ADGRE3: variants seen among roughly 807,000 people sequenced by gnomAD.
ADGRE3 encodes the protein adhesion G protein-coupled receptor E3, also known as EGF-like module receptor 3.
A neutral mutation model predicts 80.1 loss-of-function variants in ADGRE3; 88 were observed. The observed-to-expected ratio is 1.10, with a 90% CI of 0.93 to 1.31. The LOEUF (loss-of-function observed/expected upper bound fraction) is 1.31. Ranked by LOEUF, ADGRE3 falls within the 40% of genes most tolerant of loss-of-function variation. The pLI is 0.00. For missense variants in ADGRE3, 715 were observed against 776.5 expected (o/e 0.92, Z 0.94); for synonymous variants, 281 against 294.8 (o/e 0.95, Z 0.48).
the ADGRE3 span, chr19:14,610,536 C>A: frequency 4.3e-6 from 1 of 230,506 alleles, no homozygotes; most frequent in Non-Finnish European, 8.7e-6. Context: ...GGTGTTGAAC[C>A]TGGGATGAAA....
intron 6 of ADGRE3, among the ~76,000 whole-genome samples, chr19:14,652,917 C>T (rs1971647393): frequency 6.6e-6 from 1 of 151,754 alleles, no homozygotes; most frequent in African/African-American, 2.4e-5. Context: ...TTTTGGCCTA[C>T]TGTTTCATTC....
chr19:14,628,329 G>C (rs970268095), intron 14 of ADGRE3, among the ~76,000 whole-genome samples: 2 of 148,902 alleles, frequency 1.3e-5, no homozygotes, highest in African/African-American at 5.0e-5. Flanking sequence ...GTAGTCCCAG[G>C]TACTCGGGAG....
chr19:14,647,255 C>T lies in ADGRE3; in HGVS notation c.808G>A (p.Val270Met). The part of the protein sequence containing the change: ...KDQVYLNSQV[V>M]SAAIGPKRNV... ...CTTTTGGGTCCAATAGCAGCACTCA[C>T]AACCTGAGAGTTCAGATACACTTGA... The change falls in exon 8 of 16, where the codon GTG becomes ATG. Residue 270 changes from valine (V) to methionine (M), a missense_variant. Val to Met is a conservative substitution (Grantham distance 21, BLOSUM62 1). Transcript: ENST00000253673. The T allele has an allele frequency of 1.9e-6, 3 of 1,614,014 alleles. No individual in the cohort carries two copies. The highest frequency in any genetic ancestry group is 1.3e-5 in the African/African-American group (1 of 75,040).
chr19:14,616,263 C>T (rs1373823042), downstream of ADGRE3, among the ~76,000 whole-genome samples: 1 of 152,112 alleles, frequency 6.6e-6, no homozygotes, highest in African/African-American at 2.4e-5. Flanking sequence ...AGCCACCGTG[C>T]CCAGCCCTGC....
chr19:14,641,546 G>C lies in ADGRE3; in HGVS notation c.1121C>G (p.Ala374Gly). ...TTTACACAGGAGAAAAGTGAGGGCC[G>C]CCAGGAGGAGGCACAGCAGAGAGAC... is the stretch of plus-strand genomic sequence containing the variant. ...LSVSLLCLLLAALTFLLCKAI... is the reference protein window; with the variant it reads ...LSVSLLCLLLGALTFLLCKAI... Residue 374 changes from alanine to glycine, a missense_variant, in exon 10 of 16, where the codon GCG (alanine) becomes GGG (glycine). Transcript: ENST00000253673. 1 of 1,614,050 alleles carries C rather than the reference G, an allele frequency of 6.2e-7. No homozygotes were observed. Among genetic ancestry groups the C allele is most frequent in the Non-Finnish European group, 8.5e-7 (1 of 1,179,950 alleles).
rs1970557405 is a variant in ADGRE3 at position 14,620,549 on chromosome 19, TATATATATATATATATATA to T, written c.1921-1097_1921-1079del. Among the ~76,000 whole-genome samples the T allele has an allele frequency of 2.0e-3, 5 of 2,552 alleles. 1 individual carries two copies. Among genetic ancestry groups the T allele is most frequent in the African/African-American group, 1.7e-3 (1 of 588 alleles). The allele number at this position is 2,552 out of a possible 152,430, so 1.7% of individuals were successfully genotyped here. Reference sequence around the variant, plus strand: ...GAATATATATATTTTATATATATATTATATATATATATATATATATTTTTTTTTTTTTTTTTTTTTTTTT... The same window carrying T: ...GAATATATATATTTTATATATATATTTTTTTTTTTTTTTTTTTTTTTTTTT... On this transcript the variant is annotated intron_variant, in intron 15 of 15. Transcript: ENST00000253673.
At chr19:14,668,398 G>C (rs967039544) in intron 2 of ADGRE3, among the ~76,000 whole-genome samples, 4 of 151,848 alleles carry the variant, frequency 2.6e-5, no homozygotes, top group Non-Finnish European at 5.9e-5. Flanking sequence ...TGTGAATCTA[G>C]AGAGAGAGTC....
intron 15 of ADGRE3, among the ~76,000 whole-genome samples, chr19:14,625,043 G>A (rs543274076): frequency 6.6e-5 from 10 of 152,024 alleles, no homozygotes; most frequent in Non-Finnish European, 1.0e-4. Flanking sequence ...GCAATGGTGC[G>A]ATCTTGGCTC....
chr19:14,650,220 C>T (rs1042848566), intron 7 of ADGRE3, among the ~76,000 whole-genome samples: 2 of 150,440 alleles, frequency 1.3e-5, no homozygotes, highest in Admixed American at 6.6e-5. Context: ...CCATCTCTGT[C>T]CCCATCTCTC....
At position 14,633,229 on chromosome 19, in the gene ADGRE3, TACTC is replaced by T. The variant is rs763168696; in HGVS notation, c.1551+3_1551+6del. 2.5e-6 allele frequency: 4 copies of T among 1,611,032 alleles called. No individual in the cohort carries two copies. The African/African-American group carries it at 4.0e-5, about 16-fold the overall frequency. On this transcript the variant is annotated splice_donor_5th_base_variant and intron_variant, in intron 12 of 15. Transcript: ENST00000253673. ...CTAGTTTGGGAACATCGAAGGCACA[TACTC>T]ACAGAGAAAATGGCACAGACTGGGC...
chr19:14,671,095 G>C (rs1972245156), intron 1 of ADGRE3, among the ~76,000 whole-genome samples: 1 of 152,180 alleles, frequency 6.6e-6, no homozygotes, highest in Non-Finnish European at 1.5e-5. Flanking sequence ...GGCCCTGGGG[G>C]CTAACTGTGT....
rs1331621804 is a variant in ADGRE3 at position 14,659,830 on chromosome 19, A to AAAAAAAAG, written c.356-1281_356-1280insCTTTTTTT. Among the ~76,000 whole-genome samples the AAAAAAAAG allele has an allele frequency of 5.4e-4, 80 of 149,510 alleles. 5 individuals are homozygous for AAAAAAAAG. In the East Asian group the frequency reaches 0.015, roughly 28 times the overall value. On this transcript the variant is annotated intron_variant, in intron 4 of 15. Transcript: ENST00000253673. The stretch of plus-strand genomic sequence containing the variant: ...AGCGAGACTCTGCCTCTGAAAAAAA[A>AAAAAAAAG]AAAAAAAAAAAAAAAAAAGACAAGG...
At chr19:14,669,231 A>T in intron 1 of ADGRE3, among the ~76,000 whole-genome samples, 1 of 152,232 alleles carries the variant, frequency 6.6e-6, no homozygotes, top group Non-Finnish European at 1.5e-5. Context: ...CTATGCAGCC[A>T]TAAGAAAGAA....
chr19:14,641,326 A>G (rs1046760145), intron 10 of ADGRE3, 93 bp downstream of exon 10: 15 of 1,496,558 alleles, frequency 1.0e-5, no homozygotes, highest in Admixed American at 8.6e-5. Flanking sequence ...TACAGACCCA[A>G]GGACATTTTA....
At chr19:14,633,772 A>G (rs1970956412) in intron 11 of ADGRE3, among the ~76,000 whole-genome samples, 3 of 143,324 alleles carry the variant, frequency 2.1e-5, no homozygotes. Flanking sequence ...GCTGATGACA[A>G]TAGCTTTTTT....
chr19:14,613,054 T>A, the ADGRE3 span, among the ~76,000 whole-genome samples: 2 of 151,882 alleles, frequency 1.3e-5, no homozygotes, highest in Admixed American at 1.3e-4. Context: ...GCCTCCTGAA[T>A]AGCTGGGATT....
chr19:14,627,494 C>T (rs1048789385), intron 14 of ADGRE3, among the ~76,000 whole-genome samples: 2 of 152,180 alleles, frequency 1.3e-5, no homozygotes, highest in African/African-American at 4.8e-5. Context: ...TCTCTAGCCT[C>T]AGCCTCCCTA....
chr19:14,635,156 G>A (rs2146823758), intron 11 of ADGRE3, among the ~76,000 whole-genome samples: 1 of 152,218 alleles, frequency 6.6e-6, no homozygotes, highest in South Asian at 2.1e-4. Flanking sequence ...TGGTGCAGTT[G>A]CTCTATCACA....
rs1161531862 is a variant in ADGRE3 at position 14,655,228 on chromosome 19, AG to A, written c.394-64del. Reference sequence around the variant, plus strand: ...TAATCTGGTAAGTCCCATATCCAAAAGAACAGTAGAAAGCATGAGAAAGCAG... The same window carrying A: ...TAATCTGGTAAGTCCCATATCCAAAAAACAGTAGAAAGCATGAGAAAGCAG... On this transcript the variant is annotated intron_variant, in intron 5 of 15. Transcript: ENST00000253673. 3 of 1,432,812 alleles carry A rather than the reference AG, an allele frequency of 2.1e-6. 1 individual carries two copies. The highest frequency in any genetic ancestry group is 4.4e-4 in the Middle Eastern group (2 of 4,522). 88.8% of individuals were successfully genotyped at this position (1,432,812 alleles called of 1,614,324 possible).
Sources: allele counts gnomAD v4.1 joint callset (sites outside exome capture counted in the v4.1 genomes callset), GRCh38; gene constraint gnomAD v4.1.1; transcripts MANE v1.5; gene names NCBI Gene and HGNC (gene_info 2026-07-23, HGNC 2026-07-21).